The following B4GALT5 variants were observed in gnomAD, a reference collection of about 807,000 sequenced individuals.
B4GALT5 encodes the protein UDP-Gal:beta-GlcNAc beta-1,4-galactosyltransferase 5.
A neutral mutation model predicts 45.0 loss-of-function variants in B4GALT5; 11 were observed. That is an observed-to-expected ratio of 0.24 (90% CI 0.15 to 0.40). The LOEUF is 0.40. Among genes scored for constraint, B4GALT5 ranks in the 10% least tolerant of loss-of-function variants. The pLI is 1.00. For missense variants in B4GALT5, 337 were observed against 500.2 expected (o/e 0.67, Z 3.11); for synonymous variants, 185 against 182.9 (o/e 1.01, Z -0.09).
chr20:49,681,923 C>T (rs914706788), intron 1 of B4GALT5, among the ~76,000 whole-genome samples: 8 of 152,140 alleles, frequency 5.3e-5, no homozygotes, highest in African/African-American at 1.7e-4. Flanking sequence ...TGGCAAGACC[C>T]CGTCTCTACA....
chr20:49,660,413 G>A (rs2085660507), intron 1 of B4GALT5, among the ~76,000 whole-genome samples: 1 of 152,210 alleles, frequency 6.6e-6, no homozygotes, highest in Non-Finnish European at 1.5e-5. Context: ...AACATCAAGT[G>A]AGTCTCTGCA....
intron 1 of B4GALT5, among the ~76,000 whole-genome samples, chr20:49,685,713 A>G (rs1301870410): frequency 2.6e-5 from 4 of 152,228 alleles, no homozygotes; most frequent in Non-Finnish European, 5.9e-5. Flanking sequence ...CAATAGGTAG[A>G]AAAGTAGAAA....
chr20:49,656,604 C>G lies in B4GALT5; in HGVS notation c.214G>C (p.Ala72Pro). Residue 72 changes from alanine (A) to proline (P), a missense_variant, in exon 2 of 9, where the codon GCT becomes CCT. Physicochemically the swap from Ala to Pro is conservative, Grantham distance 27. Around this residue, in one of 2 missense-constraint regions of B4GALT5, gnomAD observed 174 missense variants for 207.4 expected, o/e 0.84. Transcript: ENST00000371711. ...ACACTGCTGTTCCTCTTGGCATAAG[C>G]ACTCCGAAGCACCTGCTCATAAACC... ...AQVYEQVLRS[A>P]YAKRNSSVND... 1 of 1,614,170 alleles carries G rather than the reference C, an allele frequency of 6.2e-7. No homozygotes were observed. The highest frequency in any genetic ancestry group is 8.5e-7 in the Non-Finnish European group (1 of 1,180,008).
intron 1 of B4GALT5, among the ~76,000 whole-genome samples, chr20:49,677,646 A>C (rs1380068692): frequency 6.6e-6 from 1 of 152,244 alleles, no homozygotes; most frequent in African/African-American, 2.4e-5. Flanking sequence ...GATAAAACAA[A>C]AATTACATAT....
intron 1 of B4GALT5, among the ~76,000 whole-genome samples, chr20:49,663,707 A>AC (rs1568722672): frequency 7.4e-5 from 7 of 94,182 alleles, no homozygotes; most frequent in Admixed American, 1.2e-4. Context: ...ACATATATAT[A>AC]TATATATATA....
intron 6 of B4GALT5, among the ~76,000 whole-genome samples, 156 bp from the exon 7 acceptor site, chr20:49,639,956 ATTT>A (rs1258729953): frequency 6.6e-6 from 1 of 152,196 alleles, no homozygotes; most frequent in Non-Finnish European, 1.5e-5. Context: ...TTGCAAACTG[ATTT>A]TTAATAGCTT....
chr20:49,681,077 G>T (rs138937981), intron 1 of B4GALT5, among the ~76,000 whole-genome samples: 1 of 151,848 alleles, frequency 6.6e-6, no homozygotes, highest in Non-Finnish European at 1.5e-5. Flanking sequence ...TTAGCCAGGC[G>T]TGGTGGCATG....
intron 1 of B4GALT5, among the ~76,000 whole-genome samples, chr20:49,688,035 G>A (rs2085794059): frequency 6.6e-6 from 1 of 152,102 alleles, no homozygotes; most frequent in Admixed American, 6.6e-5. Context: ...GCCAATGCTA[G>A]GTGCCAGGAA....
chr20:49,656,300 G>A (rs1181168194), intron 2 of B4GALT5, among the ~76,000 whole-genome samples: 2 of 152,128 alleles, frequency 1.3e-5, no homozygotes, highest in Non-Finnish European at 2.9e-5. Context: ...TGAATAGTTT[G>A]CAGAACCATA....
chr20:49,670,701 G>C (rs2085712353), intron 1 of B4GALT5, among the ~76,000 whole-genome samples: 1 of 152,148 alleles, frequency 6.6e-6, no homozygotes, highest in Non-Finnish European at 1.5e-5. Flanking sequence ...CAAACTGCTT[G>C]TCTAAATGAG....
Position 49,637,373 on chromosome 20 carries a change from A to T in B4GALT5, c.987T>A (p.His329Gln), listed in dbSNP as rs1325779063. 6.2e-6 allele frequency: 10 copies of T among 1,613,970 alleles called. No individual in the cohort carries two copies. The highest frequency in any genetic ancestry group is 8.5e-6 in the Non-Finnish European group (10 of 1,179,984). Residue 329 changes from histidine to glutamine, a missense_variant, in exon 8 of 9, where the codon CAT becomes CAA. His to Gln is a conservative substitution (Grantham distance 24). Coordinates refer to ENST00000371711, the MANE Select transcript of B4GALT5 (RefSeq NM_004776.4). ...GDTGKYKSIP[H>Q]HHRGEVQFLG... ...GAAACTGGACTTCTCCTCGATGGTG[A>T]TGAGGAATGGACTTGTACTTTCCTG...
intron 1 of B4GALT5, among the ~76,000 whole-genome samples, chr20:49,708,776 T>A (rs879177943): frequency 6.6e-6 from 1 of 151,740 alleles, no homozygotes; most frequent in African/African-American, 2.4e-5. Context: ...TGAAACCCCA[T>A]CAAAAATTAG....
chr20:49,644,781 T>C (rs2085592315), intron 3 of B4GALT5, among the ~76,000 whole-genome samples: 1 of 152,198 alleles, frequency 6.6e-6, no homozygotes, highest in Non-Finnish European at 1.5e-5. Flanking sequence ...TACATACTTA[T>C]AATTAATTAT....
chr20:49,641,269 G>A (rs986455153), intron 5 of B4GALT5, among the ~76,000 whole-genome samples: 3 of 152,120 alleles, frequency 2.0e-5, no homozygotes, highest in Admixed American at 2.0e-4. Context: ...CTCCACAAAG[G>A]GAAGAGACAA....
intron 1 of B4GALT5, among the ~76,000 whole-genome samples, chr20:49,692,166 A>G (rs6063420): frequency 0.51 from 76,870 of 151,276 alleles, 19,791 homozygotes; most frequent in South Asian, 0.66. Flanking sequence ...TTTTTTTTTA[A>G]TGTATTCACT....
intron 1 of B4GALT5, among the ~76,000 whole-genome samples, chr20:49,686,548 C>T (rs1178754801): frequency 6.6e-6 from 1 of 151,972 alleles, no homozygotes; most frequent in African/African-American, 2.4e-5. Flanking sequence ...TTTACTCTTA[C>T]AACCATTTTT....
At position 49,697,201 on chromosome 20, in the gene B4GALT5, G is replaced by A. The variant is rs1297502577; in HGVS notation, c.115+16375C>T. Among the ~76,000 whole-genome samples, 4 of 152,260 alleles carry A rather than the reference G, an allele frequency of 2.6e-5. No homozygotes were observed. The East Asian group carries it at 7.7e-4, about 29-fold the overall frequency. The stretch of plus-strand genomic sequence containing the variant: ...ACAGAGTCTCAGAAGACAAGGCCAG[G>A]GGAGCCAAAAGGACACAGGTGCTAC... On this transcript the variant is annotated intron_variant, in intron 1 of 8. Coordinates refer to ENST00000371711, the MANE Select transcript of B4GALT5 (RefSeq NM_004776.4).
intron 1 of B4GALT5, among the ~76,000 whole-genome samples, chr20:49,698,318 A>C (rs2085847969): frequency 6.6e-6 from 1 of 152,096 alleles, no homozygotes; most frequent in South Asian, 2.1e-4. Context: ...GCAAAACTCC[A>C]TCTCAAAAAA....
chr20:49,656,639 AT>A lies in B4GALT5; in HGVS notation c.178del (p.Ile60SerfsTer21). The A allele has an allele frequency of 6.2e-7, 1 of 1,614,182 alleles. No individual in the cohort carries two copies. Among genetic ancestry groups the A allele is most frequent in the Non-Finnish European group, 8.5e-7 (1 of 1,180,036 alleles). On this transcript the variant is annotated frameshift_variant, in exon 2 of 9. Transcript: ENST00000371711. LOFTEE classifies it high-confidence loss of function. ...GILIRDNVRT[I>X]GAQVYEQVLR... ...CACCTGCTCATAAACCTGAGCACCG[AT>A]TGTTCTCACGTTGTCCCGGATCAGA... is the stretch of plus-strand genomic sequence containing the variant.
Sources: allele counts gnomAD v4.1 joint callset (sites outside exome capture counted in the v4.1 genomes callset), GRCh38; gene constraint gnomAD v4.1.1; regional missense constraint gnomAD v4.1.1; transcripts MANE v1.5; gene names NCBI Gene and HGNC (gene_info 2026-07-23, HGNC 2026-07-21).